Variants in MICAL2 observed in about 807,000 individuals in gnomAD.
MICAL2 encodes [F-actin]-monooxygenase MICAL2.
MICAL2 carries 77 observed loss-of-function variants against 127.3 expected under a neutral mutation model. That is an observed-to-expected ratio of 0.60 (90% CI 0.50 to 0.73). The LOEUF (loss-of-function observed/expected upper bound fraction) is 0.73. MICAL2 is among the 30% of genes least tolerant of loss of function. The pLI is 0.00. For synonymous variants in MICAL2, 570 were observed against 551.1 expected (o/e 1.03, Z -0.48); for missense variants, 1,351 against 1,434.4 (o/e 0.94, Z 0.94).
At chr11:12,271,061 T>C (rs990547764) in intron 24 of MICAL2, among the ~76,000 whole-genome samples, 1 of 152,198 alleles carries the variant, frequency 6.6e-6, no homozygotes, top group Non-Finnish European at 1.5e-5. Flanking sequence ...GCTCTGCCTT[T>C]CCCAGGCTCA....
At chr11:12,214,022 C>T (rs1169584188) in intron 7 of MICAL2, among the ~76,000 whole-genome samples, 1 of 152,168 alleles carries the variant, frequency 6.6e-6, no homozygotes, top group East Asian at 1.9e-4. Context: ...GTGCCAGATG[C>T]TGTTCTAGGG....
intron 29 of MICAL2, among the ~76,000 whole-genome samples, chr11:12,298,800 T>C (rs1353980619): frequency 6.6e-6 from 1 of 152,202 alleles, no homozygotes; most frequent in Non-Finnish European, 1.5e-5. Context: ...ATATCGTAGA[T>C]TTATGGGTAT....
intron 9 of MICAL2, 40 bp from the exon 10 acceptor site, chr11:12,221,604 C>T: frequency 7.1e-7 from 1 of 1,402,522 alleles, no homozygotes; most frequent in Non-Finnish European, 1.0e-6. Flanking sequence ...GATCGGGAGT[C>T]ATCAGAATCA....
intron 15 of MICAL2, 117 bp from the exon 16 acceptor site, chr11:12,236,059 TG>T: frequency 1.3e-6 from 1 of 796,846 alleles, no homozygotes; most frequent in Non-Finnish European, 2.2e-6. Context: ...CAGCTGTTTG[TG>T]GGCAGGGACA....
At chr11:12,251,967 A>G (rs1432141397) in intron 22 of MICAL2, among the ~76,000 whole-genome samples, 1 of 152,224 alleles carries the variant, frequency 6.6e-6, no homozygotes, top group Non-Finnish European at 1.5e-5. Context: ...GTAATTGTGC[A>G]TGGGTATCTT....
chr11:12,193,466 C>T (rs959878191), intron 3 of MICAL2, among the ~76,000 whole-genome samples: 2 of 152,194 alleles, frequency 1.3e-5, no homozygotes, highest in African/African-American at 4.8e-5. Context: ...AGAGGCCAGC[C>T]TGAGACAAAG....
In MICAL2 at chr11:12,224,734, G is replaced by GCCCT. The variant is rs1857214480; in HGVS notation, c.1603_1604insCCTC (p.His535ProfsTer28). On this transcript the variant is annotated frameshift_variant, in exon 13 of 28. Transcript: ENST00000683283. LOFTEE classifies it high-confidence loss of function. Reference sequence around the variant, plus strand: ...GCCAGCAGCAGACAGAGGGCTACCAGCATGTCAACGTCACCGACCTGACCA... The same window carrying GCCCT: ...GCCAGCAGCAGACAGAGGGCTACCAGCCCTCATGTCAACGTCACCGACCTGACCA... 1 of 1,614,108 alleles carries GCCCT rather than the reference G, an allele frequency of 6.2e-7. No homozygotes were observed. The highest frequency in any genetic ancestry group is 8.5e-7 in the Non-Finnish European group (1 of 1,180,050).
intron 2 of MICAL2, among the ~76,000 whole-genome samples, chr11:12,150,247 C>T (rs1853421576): frequency 6.6e-6 from 1 of 152,080 alleles, no homozygotes; most frequent in Admixed American, 6.5e-5. Flanking sequence ...ATTCACAAAT[C>T]AGAGAAACAA....
chr11:12,336,957 G>A (rs540712609), intron 32 of MICAL2, among the ~76,000 whole-genome samples: 2 of 152,248 alleles, frequency 1.3e-5, no homozygotes, highest in South Asian at 2.1e-4. Context: ...TCAGGATGAT[G>A]CTGGCCTCAT....
At chr11:12,157,468 C>T (rs1854315103) in intron 2 of MICAL2, among the ~76,000 whole-genome samples, 1 of 152,128 alleles carries the variant, frequency 6.6e-6, no homozygotes, top group African/African-American at 2.4e-5. Flanking sequence ...GGCAGGGGAG[C>T]AGAAGAACCA....
At chr11:12,292,175 C>G, downstream of MICAL2, 1 of 1,614,062 alleles carries the variant, frequency 6.2e-7, no homozygotes, top group Non-Finnish European at 8.5e-7. Flanking sequence ...AACTATGTCA[C>G]CTCCTAAGGA....
chr11:12,305,058 T>C (rs1864093134), intron 29 of MICAL2, among the ~76,000 whole-genome samples: 1 of 151,936 alleles, frequency 6.6e-6, no homozygotes, highest in South Asian at 2.1e-4. Context: ...CCACAGGGGG[T>C]ACGTTCCAAG....
intron 12 of MICAL2, chr11:12,224,444 T>C: frequency 1.8e-6 from 1 of 546,642 alleles, no homozygotes; most frequent in Non-Finnish European, 3.3e-6. Context: ...TCTTAGGAAC[T>C]CTGCTGGAAG....
At chr11:12,130,578 T>A (rs1851332320) in intron 1 of MICAL2, among the ~76,000 whole-genome samples, 1 of 152,180 alleles carries the variant, frequency 6.6e-6, no homozygotes, top group Non-Finnish European at 1.5e-5. Flanking sequence ...CAAAAGTTTA[T>A]TGAGGAAGTA....
At chr11:12,332,717 G>A (rs1418170534) in intron 32 of MICAL2, among the ~76,000 whole-genome samples, 1 of 152,106 alleles carries the variant, frequency 6.6e-6, no homozygotes, top group African/African-American at 2.4e-5. Flanking sequence ...CATAGCTAGG[G>A]AGCCCCAGGA....
intron 4 of MICAL2, among the ~76,000 whole-genome samples, chr11:12,205,996 T>G (rs1281992289): frequency 6.6e-6 from 1 of 152,140 alleles, no homozygotes; most frequent in South Asian, 2.1e-4. Flanking sequence ...AGGGTATAAT[T>G]TATTCAGACA....
intron 3 of MICAL2, among the ~76,000 whole-genome samples, chr11:12,189,488 A>T (rs1761323281): frequency 6.6e-6 from 1 of 152,186 alleles, no homozygotes; most frequent in Admixed American, 6.5e-5. Flanking sequence ...CATGGGTAGG[A>T]TCAGGTATTA....
At chr11:12,360,229 T>G (rs1939188038), downstream of MICAL2, among the ~76,000 whole-genome samples, 2 of 152,136 alleles carry the variant, frequency 1.3e-5, no homozygotes, top group Admixed American at 1.3e-4. Context: ...CTTCTGGATA[T>G]TTATCTATTT....
intron 9 of MICAL2, among the ~76,000 whole-genome samples, chr11:12,220,746 G>A (rs1198875938): frequency 6.6e-6 from 1 of 152,224 alleles, no homozygotes; most frequent in Non-Finnish European, 1.5e-5. Flanking sequence ...TGGGCCATAT[G>A]AGCCATCCTT....
Sources: gnomAD v4.1 joint callset for allele counts (sites outside exome capture counted in the v4.1 genomes callset) on GRCh38, gnomAD v4.1.1 for gene constraint, MANE v1.5 for transcripts, NCBI Gene and HGNC (gene_info 2026-07-23, HGNC 2026-07-21) for gene names.